Variants in ROCK1 observed in about 807,000 individuals in gnomAD.
The protein encoded by ROCK1 is rho-associated protein kinase 1.
A neutral mutation model predicts 196.8 loss-of-function variants in ROCK1; 36 were observed. The observed-to-expected ratio is 0.18, with a 90% CI of 0.14 to 0.24. The LOEUF (loss-of-function observed/expected upper bound fraction) is 0.24, where lower values mean the gene tolerates loss of function less well. Ranked by LOEUF, ROCK1 falls within the 10% of genes least tolerant of loss-of-function variation. The pLI, the probability that ROCK1 is intolerant of heterozygous loss-of-function variation, is 1.00. For synonymous variants in ROCK1, 443 were observed against 515.9 expected (o/e 0.86, Z 1.91); for missense variants, 920 against 1,562.0 (o/e 0.59, Z 6.93).
chr18:21,107,509 C>G (rs1437803492), intron 1 of ROCK1, among the ~76,000 whole-genome samples: 1 of 152,034 alleles, frequency 6.6e-6, no homozygotes, highest in Non-Finnish European at 1.5e-5. Flanking sequence ...CAACAAAAGT[C>G]AAAATAACAG....
chr18:21,105,630 A>G (rs962043786), intron 1 of ROCK1, among the ~76,000 whole-genome samples: 1 of 152,226 alleles, frequency 6.6e-6, no homozygotes, highest in African/African-American at 2.4e-5. Context: ...AGTTCACAAC[A>G]AAAATTTCAG....
chr18:20,988,074 T>C (rs1046266370), intron 18 of ROCK1, among the ~76,000 whole-genome samples: 4 of 152,174 alleles, frequency 2.6e-5, no homozygotes, highest in African/African-American at 7.2e-5. Context: ...TCTTTTTTTT[T>C]TCTTTTTTTG....
intron 1 of ROCK1, among the ~76,000 whole-genome samples, chr18:21,102,413 G>A (rs2036666751): frequency 6.6e-6 from 1 of 152,086 alleles, no homozygotes. Flanking sequence ...TCCTTTTCCT[G>A]ACACTATAAA....
At chr18:21,004,673 A>C (rs763285235) in intron 16 of ROCK1, among the ~76,000 whole-genome samples, 8 of 152,182 alleles carry the variant, frequency 5.3e-5, no homozygotes, top group Non-Finnish European at 8.8e-5. Context: ...AGAATTTTAG[A>C]ATTGGAAGGA....
chr18:21,049,200 A>G lies in ROCK1; in HGVS notation c.306T>C (p.Tyr102=), dbSNP rs2036184578. The change falls in exon 4 of 33, where the codon TAT becomes TAC. Residue 102 remains tyrosine (Y), a synonymous_variant. Transcript: ENST00000399799. ...LVRHKSTRKV[Y]AMKLLSKFEM... Reference sequence around the variant, plus strand: ...CAAATTTGCTGAGAAGCTTCATAGCATATACCTTCCTGGTGGATTTATGCC... The same window carrying G: ...CAAATTTGCTGAGAAGCTTCATAGCGTATACCTTCCTGGTGGATTTATGCC... The G allele has an allele frequency of 6.2e-7, 1 of 1,606,844 alleles. No individual in the cohort carries two copies. The highest frequency in any genetic ancestry group is 2.2e-5 in the East Asian group (1 of 44,640).
intron 16 of ROCK1, among the ~76,000 whole-genome samples, chr18:21,002,097 C>CA (rs1656902824): frequency 2.0e-5 from 3 of 151,698 alleles, no homozygotes; most frequent in Non-Finnish European, 2.9e-5. Context: ...TTATTAATTA[C>CA]AAAAAAAATT....
At chr18:21,029,833 T>G (rs2035991396) in intron 9 of ROCK1, among the ~76,000 whole-genome samples, 1 of 152,138 alleles carries the variant, frequency 6.6e-6, no homozygotes, top group African/African-American at 2.4e-5. Context: ...GAAAATTTAT[T>G]TTTTAGCTTA....
At chr18:21,065,883 C>A (rs2036330153) in intron 2 of ROCK1, among the ~76,000 whole-genome samples, 1 of 151,360 alleles carries the variant, frequency 6.6e-6, no homozygotes. Flanking sequence ...CTTCTTAACA[C>A]AAAGAGATAA....
intron 2 of ROCK1, among the ~76,000 whole-genome samples, chr18:21,061,431 C>T (rs1305079999): frequency 6.6e-6 from 1 of 152,158 alleles, no homozygotes; most frequent in African/African-American, 2.4e-5. Context: ...AGGCTATACA[C>T]TGTATGATTC....
chr18:21,111,284 A>G lies in ROCK1; in HGVS notation c.-374T>C. Reference sequence around the variant, plus strand: ...GAGATGGGCAGGAGCGGGTAGAGAAAGAGAAGCAGGGTGGAGACTCCCTCC... The same window carrying G: ...GAGATGGGCAGGAGCGGGTAGAGAAGGAGAAGCAGGGTGGAGACTCCCTCC... On this transcript the variant is annotated 5_prime_UTR_variant, in exon 1 of 33. Coordinates refer to ENST00000399799, the MANE Select transcript of ROCK1 (RefSeq NM_005406.3). The surrounding 1 kb of genome is among the most constrained non-coding windows in gnomAD (Gnocchi z 4.2). 1 of 469,256 alleles carries G rather than the reference A, an allele frequency of 2.1e-6. No homozygotes were observed. The highest frequency in any genetic ancestry group is 3.7e-6 in the Non-Finnish European group (1 of 268,270). The allele number at this position is 469,256 out of a possible 1,614,324, so 29.1% of individuals were successfully genotyped here. A position where few individuals can be genotyped will look rare whatever the true frequency, so the allele number is the denominator to read the frequency against.
At chr18:21,102,856 A>T (rs1177781590) in intron 1 of ROCK1, among the ~76,000 whole-genome samples, 1 of 151,378 alleles carries the variant, frequency 6.6e-6, no homozygotes, top group Admixed American at 6.6e-5. Context: ...ACAGGGCCAG[A>T]CCCTGTCTCA....
Position 21,061,080 on chromosome 18 carries a change from A to ATT in ROCK1, c.175+9450_175+9451dup, listed in dbSNP as rs772672441. ...ACATGAAGGAATCTTAAATGCTTTT[A>ATT]TTTTTTTTTTTTTTTCAAGGCAGAG... On this transcript the variant is annotated intron_variant, in intron 2 of 32. Transcript: ENST00000399799. Among the ~76,000 whole-genome samples the ATT allele has an allele frequency of 3.6e-5, 5 of 140,490 alleles. 1 individual carries two copies. The highest frequency in any genetic ancestry group is 7.1e-3 in the Middle Eastern group (2 of 280). 92.2% of individuals were successfully genotyped at this position (140,490 alleles called of 152,430 possible). A position where few individuals can be genotyped will look rare whatever the true frequency, so the allele number is the denominator to read the frequency against.
chr18:21,049,134 T>C lies in ROCK1; in HGVS notation c.372A>G (p.Glu124=). ...TGTTGGCAAAAGCCATGATGTCCCT[T>C]TCTTCCCAGAAAAAAGCAGAATCAG... ...KRSDSAFFWE[E]RDIMAFANSP... is the part of the protein sequence containing the mutation. Residue 124 remains glutamate, a synonymous_variant, in exon 4 of 33, where the codon GAA becomes GAG. Coordinates refer to ENST00000399799, the MANE Select transcript of ROCK1 (RefSeq NM_005406.3). 2 of 1,612,434 alleles carry C rather than the reference T, an allele frequency of 1.2e-6. No homozygotes were observed. The highest frequency in any genetic ancestry group is 2.2e-5 in the South Asian group (2 of 90,880).
chr18:21,061,166 C>T (rs1364180954), intron 2 of ROCK1, among the ~76,000 whole-genome samples: 1 of 151,652 alleles, frequency 6.6e-6, no homozygotes, highest in East Asian at 2.0e-4. Context: ...GCAACCTCCA[C>T]TTCCCAGGTT....
At chr18:21,012,710 C>T (rs1385313605) in intron 13 of ROCK1, among the ~76,000 whole-genome samples, 6 of 152,106 alleles carry the variant, frequency 3.9e-5, no homozygotes, top group Admixed American at 6.5e-5. Context: ...AATTTTCTGT[C>T]GTCATTTCTT....
At chr18:21,103,434 T>C (rs979731352) in intron 1 of ROCK1, among the ~76,000 whole-genome samples, 3 of 151,824 alleles carry the variant, frequency 2.0e-5, no homozygotes, top group Non-Finnish European at 2.9e-5. Context: ...CAAAGTCTCA[T>C]AGATTTTGTT....
At chr18:21,022,868 G>A (rs1332610727) in intron 11 of ROCK1, among the ~76,000 whole-genome samples, 1 of 152,060 alleles carries the variant, frequency 6.6e-6, no homozygotes, top group Non-Finnish European at 1.5e-5. Context: ...ATGTGTGTGT[G>A]TGTGTATATA....
intron 10 of ROCK1, among the ~76,000 whole-genome samples, chr18:21,026,625 T>C (rs954150181): frequency 6.6e-6 from 1 of 152,092 alleles, no homozygotes; most frequent in African/African-American, 2.4e-5. Context: ...AGTACTATCT[T>C]ACAGTGGATT....
Position 21,045,471 on chromosome 18 carries a change from T to A in ROCK1, c.415-4A>T. ...CATCTTGGAATGCATAAAAAAGCTA[T>A]ACAAATAGAAAAAACAAACAAAACA... On this transcript the variant is annotated splice_region_variant and splice_polypyrimidine_tract_variant and intron_variant, in intron 4 of 32. Transcript: ENST00000399799. 1.3e-6 allele frequency: 2 copies of A among 1,572,214 alleles called. No homozygotes were observed. Among genetic ancestry groups the A allele is most frequent in the Admixed American group, 1.9e-5 (1 of 52,272 alleles).
Sources: allele counts gnomAD v4.1 joint callset (sites outside exome capture counted in the v4.1 genomes callset), GRCh38; gene constraint gnomAD v4.1.1; non-coding constraint Gnocchi (gnomAD v3.1); transcripts MANE v1.5; gene names NCBI Gene and HGNC (gene_info 2026-07-23, HGNC 2026-07-21).